Variants in YJU2 observed in about 807,000 individuals in gnomAD.
The protein encoded by YJU2 is splicing factor YJU2.
Under a neutral mutation model 39.6 loss-of-function variants are expected in YJU2, and 28 were observed. The ratio of observed to expected loss-of-function variants is 0.71; its 90% CI spans 0.52 to 0.97. The LOEUF is 0.97. Ranked by LOEUF, YJU2 falls within the 50% of genes least tolerant of loss-of-function variation. The pLI is 0.00. For synonymous variants in YJU2, 184 were observed against 182.4 expected (o/e 1.01, Z -0.07); for missense variants, 328 against 430.4 (o/e 0.76, Z 2.11).
intron 4 of YJU2, 57 bp downstream of exon 4, chr19:4,254,546 T>C: frequency 6.1e-6 from 9 of 1,477,666 alleles, no homozygotes; most frequent in East Asian, 2.6e-5. Flanking sequence ...TGTGTGTGTG[T>C]GCCAATGGTT....
At chr19:4,248,397 A>G (rs921830077) in intron 1 of YJU2, 7 of 152,238 alleles carry the variant, frequency 4.6e-5, no homozygotes, top group African/African-American at 1.4e-4. Context: ...TCTTGGAGAC[A>G]GAGGACAGTG....
At chr19:4,252,389 G>A (rs997439082) in intron 3 of YJU2, among the ~76,000 whole-genome samples, 5 of 151,588 alleles carry the variant, frequency 3.3e-5, no homozygotes, top group East Asian at 2.0e-4. Context: ...ATGAGGTCAG[G>A]AGATCGAGAC....
intron 1 of YJU2, among the ~76,000 whole-genome samples, 186 bp from the exon 2 acceptor site, chr19:4,249,042 G>A (rs1970954061): frequency 6.6e-6 from 1 of 152,168 alleles, no homozygotes; most frequent in Non-Finnish European, 1.5e-5. Flanking sequence ...CACTAGGAGA[G>A]AGTCAGGAAG....
rs772180463 is a variant in YJU2 at position 4,254,507 on chromosome 19, T to C, written c.405+18T>C. ...CCATGAAGGTGAGTCGGGGGCCATG[T>C]AGGTGTTCATGGGCGCTGTGTGTGT... On this transcript the variant is annotated intron_variant, in intron 4 of 7. Coordinates refer to ENST00000262962, the MANE Select transcript of YJU2 (RefSeq NM_018074.6). The C allele has an allele frequency of 2.0e-5, 32 of 1,564,596 alleles. No homozygotes were observed. The highest frequency in any genetic ancestry group is 3.9e-4 in the Middle Eastern group (2 of 5,128).
chr19:4,264,261 C>CAA lies in YJU2; in HGVS notation c.708+2171_708+2172dup, dbSNP rs748910280. 6.2e-3 allele frequency among the ~76,000 whole-genome samples: 271 copies of CAA among 43,840 alleles called. 15 individuals are homozygous for CAA. Among genetic ancestry groups the CAA allele is most frequent in the East Asian group, 0.034 (32 of 936 alleles). The allele number at this position is 43,840 out of a possible 152,430, so 28.8% of individuals were successfully genotyped here. On this transcript the variant is annotated intron_variant, in intron 6 of 7. Coordinates refer to ENST00000262962, the MANE Select transcript of YJU2 (RefSeq NM_018074.6). ...TGGGCGACAGAGCGAGACTCTGTCT[C>CAA]AAAAAAAAAAAAAAAAAAAAAAAAA...
chr19:4,254,515 C>T lies in YJU2; in HGVS notation c.405+26C>T, dbSNP rs1467592307. Reference sequence around the variant, plus strand: ...GTGAGTCGGGGGCCATGTAGGTGTTCATGGGCGCTGTGTGTGTGGGTGTGT... The same window carrying T: ...GTGAGTCGGGGGCCATGTAGGTGTTTATGGGCGCTGTGTGTGTGGGTGTGT... On this transcript the variant is annotated intron_variant, in intron 4 of 7. Coordinates refer to ENST00000262962, the MANE Select transcript of YJU2 (RefSeq NM_018074.6). 5 of 1,552,698 alleles carry T rather than the reference C, an allele frequency of 3.2e-6. No individual in the cohort carries two copies. The African/African-American group carries it at 6.8e-5, about 21-fold the overall frequency.
rs367694684 is a variant in YJU2 at position 4,254,390 on chromosome 19, T to C, written c.306T>C (p.His102=). Residue 102 remains histidine (H), a synonymous_variant, in exon 4 of 8, where the codon CAT becomes CAC. Coordinates refer to ENST00000262962, the MANE Select transcript of YJU2 (RefSeq NM_018074.6). ...AAAACACAGACTACACCATGGAGCA[T>C]GGAGCCACGCGGAATTTCCAGGCTG... ...DPENTDYTME[H]GATRNFQAEK... 1.2e-6 allele frequency: 2 copies of C among 1,613,864 alleles called. No individual in the cohort carries two copies. Among genetic ancestry groups the C allele is most frequent in the Middle Eastern group, 1.7e-4 (1 of 6,054 alleles).
intron 6 of YJU2, among the ~76,000 whole-genome samples, chr19:4,263,840 G>C (rs1971092575): frequency 6.7e-6 from 1 of 149,200 alleles, no homozygotes; most frequent in Non-Finnish European, 1.5e-5. Context: ...GGAGGAAGGA[G>C]TTTTGGTGGA....
At chr19:4,260,179 T>G (rs1214776703) in intron 5 of YJU2, among the ~76,000 whole-genome samples, 1 of 152,182 alleles carries the variant, frequency 6.6e-6, no homozygotes, top group Non-Finnish European at 1.5e-5. Context: ...CATCCTGCAC[T>G]GTGGGAGGCT....
intron 7 of YJU2, among the ~76,000 whole-genome samples, chr19:4,268,234 C>T (rs567313952): frequency 1.4e-4 from 21 of 152,284 alleles, no homozygotes; most frequent in Non-Finnish European, 2.6e-4. Flanking sequence ...CATGAGCCAC[C>T]GCGCCCGGCC....
chr19:4,257,800 A>G (rs1472937466), intron 4 of YJU2, among the ~76,000 whole-genome samples: 1 of 151,748 alleles, frequency 6.6e-6, no homozygotes, highest in Non-Finnish European at 1.5e-5. Context: ...ACAGGGTTTC[A>G]CCATGTTGGC....
At chr19:4,249,139 G>A (rs1757572331) in intron 1 of YJU2, 89 bp from the exon 2 acceptor site, 5 of 880,902 alleles carry the variant, frequency 5.7e-6, no homozygotes, top group Non-Finnish European at 8.9e-6. Context: ...GGGGACCCCC[G>A]ACACAGCTCC....
At chr19:4,252,663 G>A (rs1017554512) in intron 3 of YJU2, among the ~76,000 whole-genome samples, 3 of 152,074 alleles carry the variant, frequency 2.0e-5, no homozygotes, top group East Asian at 1.9e-4. Context: ...AGTGGCTCAC[G>A]CCTGTAATCC....
chr19:4,267,299 G>T (rs1971123268), intron 6 of YJU2, among the ~76,000 whole-genome samples: 1 of 152,186 alleles, frequency 6.6e-6, no homozygotes, highest in South Asian at 2.1e-4. Context: ...GTATTGAAGG[G>T]TGAGTAGGAG....
chr19:4,262,161 CA>C, intron 6 of YJU2, 47 bp downstream of exon 6: 1 of 1,543,332 alleles, frequency 6.5e-7, no homozygotes, highest in Non-Finnish European at 8.7e-7. Context: ...GAACTAGGGA[CA>C]ACTGAAGCCA....
intron 6 of YJU2, among the ~76,000 whole-genome samples, chr19:4,262,924 T>C (rs564744858): frequency 1.3e-5 from 2 of 150,628 alleles, no homozygotes; most frequent in Non-Finnish European, 3.0e-5. Context: ...AAATAAAAAT[T>C]AAGGCTGAGT....
At chr19:4,255,828 G>A (rs758628455) in intron 4 of YJU2, among the ~76,000 whole-genome samples, 16 of 151,016 alleles carry the variant, frequency 1.1e-4, no homozygotes, top group Non-Finnish European at 1.6e-4. Flanking sequence ...CCAACACGGC[G>A]AAACCCTGTC....
intron 3 of YJU2, among the ~76,000 whole-genome samples, chr19:4,253,506 G>A (rs1422987883): frequency 4.6e-5 from 7 of 151,882 alleles, no homozygotes; most frequent in East Asian, 1.9e-4. Flanking sequence ...GCTTGAACCC[G>A]GGAGGCTGAG....
rs1971127999 is a variant in YJU2 at position 4,267,751 on chromosome 19, AGC to A, written c.837_838del (p.Gln279HisfsTer38). 3 of 1,612,476 alleles carry A rather than the reference AGC, an allele frequency of 1.9e-6. No homozygotes were observed. The African/African-American group carries it at 4.0e-5, about 22-fold the overall frequency. On this transcript the variant is annotated frameshift_variant, in exon 7 of 8. Coordinates refer to ENST00000262962, the MANE Select transcript of YJU2 (RefSeq NM_018074.6). LOFTEE classifies it low-confidence loss of function (END_TRUNC). ...GCCGACCCGGACTGCAGCAACGGGC[AGC>A]CTCAGGCGGCCCCCACCCCAGGTAA...
Sources: gnomAD v4.1 joint callset for allele counts (sites outside exome capture counted in the v4.1 genomes callset) on GRCh38, gnomAD v4.1.1 for gene constraint, MANE v1.5 for transcripts, NCBI Gene and HGNC (gene_info 2026-07-23, HGNC 2026-07-21) for gene names.